The following RYR3 variants were observed in gnomAD, a reference collection of about 807,000 sequenced individuals.
RYR3 encodes the protein brain ryanodine receptor-calcium release channel.
A neutral mutation model predicts 584.3 loss-of-function variants in RYR3; 207 were observed. That is an observed-to-expected ratio of 0.35 (90% confidence interval 0.32 to 0.40). The LOEUF (loss-of-function observed/expected upper bound fraction) is 0.40, where lower values mean the gene tolerates loss of function less well. RYR3 is among the 10% of genes least tolerant of loss of function. The pLI, the probability that RYR3 is intolerant of heterozygous loss-of-function variation, is 1.00. For synonymous variants in RYR3, 2,416 were observed against 2,248.5 expected, an observed-to-expected ratio of 1.07 and a Z score of -2.11; for missense variants, 5,616 against 6,089.2, an observed-to-expected ratio of 0.92 and a Z score of 2.59.
chr15:33,410,328 G>C (rs1034654148), intron 1 of RYR3, among the ~76,000 whole-genome samples: 2 of 152,188 alleles, frequency 1.3e-5, no homozygotes, highest in African/African-American at 4.8e-5. Flanking sequence ...CAGGCCCAAG[G>C]CTCCTTAATT....
In RYR3 at chr15:33,739,942, G is replaced by T; in HGVS notation, c.7767G>T (p.Gln2589His). 1 of 1,613,884 alleles carries T rather than the reference G, an allele frequency of 6.2e-7. No homozygotes were observed. The highest frequency in any genetic ancestry group is 1.3e-5 in the African/African-American group (1 of 75,044). ...DTRITATLEK[Q>H]ISVDADGNFD... The stretch of plus-strand genomic sequence containing the variant: ...GAATCACAGCCACGTTGGAGAAACA[G>T]ATCTCAGTGGATGCGGATGGCAACT... Residue 2589 changes from glutamine (Q) to histidine (H), a missense_variant, in exon 51 of 104, where the codon CAG (glutamine) becomes CAT (histidine). Gln to His is a conservative substitution (Grantham distance 24, BLOSUM62 0). Transcript: ENST00000634891.
rs1353830603 is a variant in RYR3 at position 33,854,795 on chromosome 15, C to G, written c.13890C>G (p.Thr4630=). The change falls in exon 98 of 104, where the codon ACC becomes ACG. Residue 4630 remains threonine (T), a synonymous_variant. Transcript: ENST00000634891. The stretch of plus-strand genomic sequence containing the variant: ...TTCTCTACCTTGCCTGGTATACAAC[C>G]ATGTCAGTCCTGGGCCACTACAATA... The part of the protein sequence containing the change: ...NSFLYLAWYT[T]MSVLGHYNNF... 2.5e-6 allele frequency: 4 copies of G among 1,612,804 alleles called. No homozygotes were observed. In the South Asian group the frequency reaches 4.4e-5, roughly 18 times the overall value.
At chr15:33,513,768 T>G (rs2053246916) in intron 3 of RYR3, among the ~76,000 whole-genome samples, 1 of 152,188 alleles carries the variant, frequency 6.6e-6, no homozygotes, top group Non-Finnish European at 1.5e-5. Flanking sequence ...CACTCTCTGG[T>G]CCTTGCTGTC....
rs531173157 is a variant in RYR3 at position 33,390,835 on chromosome 15, C to T, written c.51+79739C>T. Among the ~76,000 whole-genome samples the T allele has an allele frequency of 4.0e-4, 61 of 152,196 alleles. 2 individuals are homozygous for T. The highest frequency in any genetic ancestry group is 3.4e-3 in the Middle Eastern group (1 of 294). On this transcript the variant is annotated intron_variant, in intron 1 of 103. Coordinates refer to ENST00000634891, the MANE Select transcript of RYR3 (RefSeq NM_001036.6). The surrounding 1 kb of genome is among the most constrained non-coding windows in gnomAD (Gnocchi z 4.2). ...GGATGCTGACTCCATAATGGGATCC[C>T]CAGGCAGAGACATTGCACACAGTAC... is the stretch of plus-strand genomic sequence containing the variant.
intron 27 of RYR3, among the ~76,000 whole-genome samples, chr15:33,637,619 C>G (rs764787216): frequency 2.0e-4 from 30 of 152,190 alleles, no homozygotes; most frequent in Non-Finnish European, 4.0e-4. Flanking sequence ...GAAACATTTC[C>G]TACCTAGAAA....
At position 33,823,101 on chromosome 15, in the gene RYR3, TA is replaced by T. The variant is rs779066740; in HGVS notation, c.11072+35del. The T allele has an allele frequency of 3.8e-6, 6 of 1,584,364 alleles. No homozygotes were observed. The Admixed American group carries it at 5.1e-5, about 14-fold the overall frequency. On this transcript the variant is annotated intron_variant, in intron 81 of 103. Coordinates refer to ENST00000634891, the MANE Select transcript of RYR3 (RefSeq NM_001036.6). ...AATGCGGGAAAACTACCATAGCATT[TA>T]AAAAACTCTTCCCTCTAAGCATAGG...
chr15:33,706,884 C>T (rs568374979), intron 42 of RYR3, 35 bp from the exon 43 acceptor site: 364 of 1,556,994 alleles, frequency 2.3e-4, no homozygotes, highest in Admixed American at 3.2e-4. Flanking sequence ...CATCCTAATG[C>T]GTGCGAAAGA....
Position 33,696,200 on chromosome 15 carries a change from C to T in RYR3, c.5861-18C>T. The T allele has an allele frequency of 1.2e-6, 2 of 1,609,830 alleles. No individual in the cohort carries two copies. Among genetic ancestry groups the T allele is most frequent in the Non-Finnish European group, 1.7e-6 (2 of 1,177,478 alleles). On this transcript the variant is annotated intron_variant, in intron 38 of 103. Coordinates refer to ENST00000634891, the MANE Select transcript of RYR3 (RefSeq NM_001036.6). ...GCCATGACAGCCACAGTCCTGCTCC[C>T]TCCTGTTGTCCTTCCAGCAACATTG...
At chr15:33,815,993 G>T in intron 74 of RYR3, 1 of 397,836 alleles carries the variant, frequency 2.5e-6, no homozygotes, top group South Asian at 1.3e-4. Flanking sequence ...TATTGACCAT[G>T]ATTTAACGTT....
At chr15:33,515,107 A>C (rs1008950991) in intron 3 of RYR3, among the ~76,000 whole-genome samples, 6 of 152,240 alleles carry the variant, frequency 3.9e-5, no homozygotes, top group Admixed American at 3.9e-4. Context: ...GTAATTTATA[A>C]AGACCACATC....
intron 3 of RYR3, among the ~76,000 whole-genome samples, chr15:33,513,139 C>G (rs2053188017): frequency 6.6e-6 from 1 of 152,194 alleles, no homozygotes; most frequent in African/African-American, 2.4e-5. Flanking sequence ...AGAATGGAAA[C>G]TCTTCAGTTT....
chr15:33,840,285 C>T (rs904514381), intron 89 of RYR3, among the ~76,000 whole-genome samples: 1 of 152,112 alleles, frequency 6.6e-6, no homozygotes, highest in Non-Finnish European at 1.5e-5. Flanking sequence ...AGGAAGTCTG[C>T]GTGTTTGGGT....
At chr15:33,599,473 G>A (rs1451828204) in intron 16 of RYR3, among the ~76,000 whole-genome samples, 4 of 152,178 alleles carry the variant, frequency 2.6e-5, no homozygotes, top group Non-Finnish European at 5.9e-5. Flanking sequence ...GGAAAGGCAG[G>A]ATAACTTGAA....
chr15:33,673,354 C>G (rs1052448581), intron 38 of RYR3, among the ~76,000 whole-genome samples: 13 of 152,360 alleles, frequency 8.5e-5, no homozygotes, highest in African/African-American at 3.1e-4. Context: ...GAGAGAGCAA[C>G]AGTGTCCTGA....
At chr15:33,610,782 A>C (rs994393500) in intron 18 of RYR3, among the ~76,000 whole-genome samples, 3 of 152,180 alleles carry the variant, frequency 2.0e-5, no homozygotes, top group Admixed American at 6.5e-5. Context: ...TAAACACAAA[A>C]TTCCTTTATG....
chr15:33,855,803 A>T (rs887040915), intron 98 of RYR3: 1 of 152,200 alleles, frequency 6.6e-6, no homozygotes, highest in African/African-American at 2.4e-5. Context: ...CAATATATGG[A>T]AGACTGGATA....
intron 1 of RYR3, among the ~76,000 whole-genome samples, chr15:33,359,252 CAAT>C (rs1974406323): frequency 6.6e-6 from 1 of 152,190 alleles, no homozygotes; most frequent in Non-Finnish European, 1.5e-5. Context: ...AAAAATACAA[CAAT>C]AACAACACAA....
At chr15:33,667,189 T>C (rs1304504544) in intron 36 of RYR3, among the ~76,000 whole-genome samples, 1 of 152,182 alleles carries the variant, frequency 6.6e-6, no homozygotes, top group African/African-American at 2.4e-5. Context: ...AATAAGAGAT[T>C]GCAAATTTTT....
intron 43 of RYR3, among the ~76,000 whole-genome samples, chr15:33,707,494 A>G (rs941947548): frequency 2.6e-5 from 4 of 152,200 alleles, no homozygotes; most frequent in Admixed American, 2.0e-4. Flanking sequence ...GTAAACTCCC[A>G]GGAGAAAAAA....
Sources: gnomAD v4.1 joint callset for allele counts (sites outside exome capture counted in the v4.1 genomes callset) on GRCh38, gnomAD v4.1.1 for gene constraint, Gnocchi (gnomAD v3.1) non-coding constraint, MANE v1.5 for transcripts, NCBI Gene and HGNC (gene_info 2026-07-23, HGNC 2026-07-21) for gene names.